Variants in SLC25A21 observed in about 807,000 individuals in gnomAD.
SLC25A21 encodes the protein solute carrier family 25 member 21.
SLC25A21 carries 47 observed loss-of-function variants against 43.8 expected under a neutral mutation model. That is an observed-to-expected ratio of 1.07 (90% confidence interval 0.85 to 1.37). The LOEUF (loss-of-function observed/expected upper bound fraction) is 1.37, where lower values mean the gene tolerates loss of function less well. SLC25A21 is among the 40% of genes most tolerant of loss of function. SLC25A21 has a pLI of 0.00. For missense variants in SLC25A21, 352 were observed against 350.2 expected (o/e 1.00, Z -0.04); for synonymous variants, 131 against 121.3 (o/e 1.08, Z -0.52).
At chr14:36,762,367 G>C (rs925427822) in intron 3 of SLC25A21, among the ~76,000 whole-genome samples, 6 of 152,176 alleles carry the variant, frequency 3.9e-5, no homozygotes, top group Non-Finnish European at 7.3e-5. Context: ...CGGCAGAGGG[G>C]AAAGGCAGCT....
chr14:36,711,695 T>C (rs762212190), intron 6 of SLC25A21, among the ~76,000 whole-genome samples: 1 of 152,236 alleles, frequency 6.6e-6, no homozygotes, highest in African/African-American at 2.4e-5. Context: ...GAAAAGATTG[T>C]TGGCAAAGAA....
intron 1 of SLC25A21, among the ~76,000 whole-genome samples, chr14:36,876,833 GTATATATATGAAATA>G (rs1407116801): frequency 4.0e-5 from 6 of 150,276 alleles, no homozygotes; most frequent in Non-Finnish European, 8.9e-5. Context: ...TATGAAATAT[GTATATATATGAAATA>G]TATATATATG....
chr14:36,688,640 T>C (rs977002741), intron 7 of SLC25A21, among the ~76,000 whole-genome samples: 4 of 152,180 alleles, frequency 2.6e-5, no homozygotes, highest in Middle Eastern at 3.2e-3. Flanking sequence ...GCCTTTCTCT[T>C]GGCCTCCTCT....
intron 2 of SLC25A21, among the ~76,000 whole-genome samples, chr14:36,837,690 T>C (rs848054): frequency 0.18 from 27,104 of 151,994 alleles, 2,830 homozygotes; most frequent in Middle Eastern, 0.26. Flanking sequence ...AAGGAAGCAA[T>C]GACACCTTGG....
intron 1 of SLC25A21, among the ~76,000 whole-genome samples, chr14:36,998,115 ATTATT>A (rs1231235963): frequency 2.0e-5 from 3 of 152,192 alleles, no homozygotes; most frequent in Non-Finnish European, 2.9e-5. Flanking sequence ...GCACAGTGTT[ATTATT>A]TTAAGTTTCT....
At chr14:36,909,915 T>C (rs551758342) in intron 1 of SLC25A21, among the ~76,000 whole-genome samples, 1 of 152,222 alleles carries the variant, frequency 6.6e-6, no homozygotes, top group African/African-American at 2.4e-5. Flanking sequence ...AATACGAACA[T>C]TGGCAGTACC....
intron 3 of SLC25A21, among the ~76,000 whole-genome samples, chr14:36,747,083 C>T (rs1885528773): frequency 6.6e-6 from 1 of 152,152 alleles, no homozygotes; most frequent in African/African-American, 2.4e-5. Context: ...AGACATGACT[C>T]AGTATCCATA....
chr14:36,950,357 G>T (rs972071893), intron 1 of SLC25A21, among the ~76,000 whole-genome samples: 3 of 152,022 alleles, frequency 2.0e-5, no homozygotes, highest in Non-Finnish European at 4.4e-5. Context: ...AGATTAAATG[G>T]GGTCGTAAGA....
At chr14:36,753,815 T>C (rs1885807216) in intron 3 of SLC25A21, among the ~76,000 whole-genome samples, 1 of 152,044 alleles carries the variant, frequency 6.6e-6, no homozygotes, top group South Asian at 2.1e-4. Context: ...CTATAGTGTA[T>C]CCACCAAGTT....
At chr14:37,162,533 C>T (rs1400898701) in intron 1 of SLC25A21, among the ~76,000 whole-genome samples, 118 of 152,100 alleles carry the variant, frequency 7.8e-4, no homozygotes, top group African/African-American at 1.9e-3. Context: ...AAAAAACACA[C>T]GAAAAAATGC....
intron 1 of SLC25A21, among the ~76,000 whole-genome samples, chr14:37,151,149 C>T (rs1039501270): frequency 5.9e-5 from 9 of 152,116 alleles, no homozygotes; most frequent in East Asian, 1.9e-4. Context: ...GGAGGCTATA[C>T]GTTCTCCCTA....
At chr14:36,823,099 C>T (rs761099067) in intron 2 of SLC25A21, among the ~76,000 whole-genome samples, 10 of 152,116 alleles carry the variant, frequency 6.6e-5, no homozygotes, top group Non-Finnish European at 1.3e-4. Flanking sequence ...ACAAGTTCTT[C>T]TACTTGTTTA....
intron 1 of SLC25A21, among the ~76,000 whole-genome samples, chr14:37,078,409 G>C (rs969505090): frequency 6.6e-6 from 1 of 152,000 alleles, no homozygotes. Context: ...TGGATGATAC[G>C]TCAGGATAAG....
At chr14:37,101,148 A>C (rs1962810063) in intron 1 of SLC25A21, among the ~76,000 whole-genome samples, 1 of 152,236 alleles carries the variant, frequency 6.6e-6, no homozygotes, top group African/African-American at 2.4e-5. Context: ...GAGGTGTAAT[A>C]ATTTTTATAC....
At chr14:37,102,680 C>A (rs1344991867) in intron 1 of SLC25A21, among the ~76,000 whole-genome samples, 1 of 151,980 alleles carries the variant, frequency 6.6e-6, no homozygotes, top group East Asian at 1.9e-4. Flanking sequence ...CCAGTGTGCT[C>A]TCAGAAAGTA....
At chr14:36,776,773 C>T (rs1310706729) in intron 3 of SLC25A21, among the ~76,000 whole-genome samples, 4 of 152,126 alleles carry the variant, frequency 2.6e-5, no homozygotes, top group African/African-American at 4.8e-5. Flanking sequence ...TTCTATTTCA[C>T]AGAGTAAATA....
At chr14:37,077,960 A>G (rs1291003584) in intron 1 of SLC25A21, among the ~76,000 whole-genome samples, 1 of 152,204 alleles carries the variant, frequency 6.6e-6, no homozygotes, top group Non-Finnish European at 1.5e-5. Flanking sequence ...TAAAATTTTT[A>G]AACGAAAGAC....
intron 3 of SLC25A21, among the ~76,000 whole-genome samples, chr14:36,752,548 G>A (rs763079853): frequency 7.2e-5 from 11 of 152,110 alleles, no homozygotes; most frequent in Non-Finnish European, 1.3e-4. Context: ...TAAACAATGG[G>A]GATATTATAC....
chr14:36,948,159 C>G (rs1386644384), intron 1 of SLC25A21, among the ~76,000 whole-genome samples: 1 of 152,160 alleles, frequency 6.6e-6, no homozygotes, highest in Admixed American at 6.6e-5. Context: ...CATTCCCTGA[C>G]AAATATAACT....
Sources: allele counts gnomAD v4.1 joint callset (sites outside exome capture counted in the v4.1 genomes callset), GRCh38; gene constraint gnomAD v4.1.1; transcripts MANE v1.5; gene names NCBI Gene and HGNC (gene_info 2026-07-23, HGNC 2026-07-21).